The following SAMD5 variants were observed in gnomAD, a reference collection of about 807,000 sequenced individuals.
The protein encoded by SAMD5 is sterile alpha motif domain-containing protein 5.
Under a neutral mutation model 11.3 loss-of-function variants are expected in SAMD5, and 13 were observed. The ratio of observed to expected loss-of-function variants is 1.15; its 90% CI spans 0.75 to 1.83. The LOEUF is 1.83. SAMD5 is among the 40% of genes most tolerant of loss of function. The probability of loss-of-function intolerance (pLI) is 0.00; values close to 1 mark genes in which losing one functional copy is unlikely to be tolerated. For synonymous variants in SAMD5, 129 were observed against 111.3 expected, an observed-to-expected ratio of 1.16 and a Z score of -1.00; for missense variants, 255 against 239.1, an observed-to-expected ratio of 1.07 and a Z score of -0.44.
the SAMD5 span, among the ~76,000 whole-genome samples, chr6:147,921,264 G>C: frequency 4.8e-4 from 58 of 120,234 alleles, no homozygotes; most frequent in African/African-American, 2.1e-3. Flanking sequence ...AAACAAAAGA[G>C]AGAGTATAAA....
At chr6:147,633,097 G>A (rs1203755295) in intron 1 of SAMD5, among the ~76,000 whole-genome samples, 1 of 152,172 alleles carries the variant, frequency 6.6e-6, no homozygotes, top group Non-Finnish European at 1.5e-5. Flanking sequence ...GGCACTTTCA[G>A]TTTTTTGGAT....
At chr6:147,549,251 G>T (rs747144157) in intron 1 of SAMD5, among the ~76,000 whole-genome samples, 2 of 152,174 alleles carry the variant, frequency 1.3e-5, no homozygotes, top group Non-Finnish European at 2.9e-5. Flanking sequence ...TTGCAGCCAC[G>T]GTTGAGCAAA....
At chr6:147,804,071 C>T in the SAMD5 span, among the ~76,000 whole-genome samples, 5 of 151,964 alleles carry the variant, frequency 3.3e-5, no homozygotes, top group Admixed American at 6.6e-5. Context: ...GGCCATGGGC[C>T]CATTCTTGTC....
chr6:147,890,319 A>G, the SAMD5 span, among the ~76,000 whole-genome samples: 1 of 152,090 alleles, frequency 6.6e-6, no homozygotes, highest in Non-Finnish European at 1.5e-5. Context: ...GACCTAATTA[A>G]TCAACAAGAT....
intron 1 of SAMD5, among the ~76,000 whole-genome samples, chr6:147,617,630 G>A (rs1261883925): frequency 6.6e-6 from 1 of 152,220 alleles, no homozygotes. Context: ...GGAAACAAAT[G>A]CTGGGTTACA....
chr6:147,747,349 G>A, the SAMD5 span, among the ~76,000 whole-genome samples: 2 of 152,306 alleles, frequency 1.3e-5, no homozygotes, highest in African/African-American at 4.8e-5. Context: ...GGAGGGGCAG[G>A]ATGTTGTTCA....
chr6:147,525,159 A>G (rs1259569302), intron 1 of SAMD5, among the ~76,000 whole-genome samples: 1 of 151,540 alleles, frequency 6.6e-6, no homozygotes, highest in Non-Finnish European at 1.5e-5. Flanking sequence ...TTTAAAAAAA[A>G]AGAGGAAGAC....
chr6:147,691,855 T>TA (rs1791108368), intron 1 of SAMD5, among the ~76,000 whole-genome samples: 1 of 152,150 alleles, frequency 6.6e-6, no homozygotes, highest in Admixed American at 6.5e-5. Context: ...AAGTACTACA[T>TA]AAATCTTGCT....
chr6:147,590,473 C>T (rs1485267621), intron 1 of SAMD5, among the ~76,000 whole-genome samples: 1 of 152,162 alleles, frequency 6.6e-6, no homozygotes, highest in African/African-American at 2.4e-5. Context: ...AGTGCAGTGG[C>T]ATGATCTCAG....
intron 1 of SAMD5, among the ~76,000 whole-genome samples, chr6:147,586,342 G>A (rs1483491209): frequency 6.6e-6 from 1 of 152,114 alleles, no homozygotes; most frequent in African/African-American, 2.4e-5. Flanking sequence ...TATTTTAAGA[G>A]ACTGGGGAGA....
chr6:147,534,839 C>G (rs756034135), intron 1 of SAMD5, among the ~76,000 whole-genome samples: 1 of 152,084 alleles, frequency 6.6e-6, no homozygotes, highest in Non-Finnish European at 1.5e-5. Flanking sequence ...AATTTTGTGG[C>G]GGATGTTAGT....
chr6:147,638,050 A>G (rs531415323), intron 1 of SAMD5, among the ~76,000 whole-genome samples: 1 of 152,224 alleles, frequency 6.6e-6, no homozygotes, highest in African/African-American at 2.4e-5. Context: ...TCGTAATGGT[A>G]ATGGAGACTA....
chr6:147,810,151 T>G, the SAMD5 span, among the ~76,000 whole-genome samples: 1 of 152,228 alleles, frequency 6.6e-6, no homozygotes, highest in Non-Finnish European at 1.5e-5. Flanking sequence ...AAGATAAGTT[T>G]AATGTAATTA....
At chr6:147,877,881 C>CACACACACACGATA in the SAMD5 span, among the ~76,000 whole-genome samples, 159 of 82,058 alleles carry the variant, frequency 1.9e-3, 1 homozygote, top group African/African-American at 7.3e-3. Flanking sequence ...CACACACACA[C>CACACACACACGATA]GATAGATAGA....
the SAMD5 span, among the ~76,000 whole-genome samples, chr6:147,930,323 C>A: frequency 2.6e-5 from 4 of 152,094 alleles, no homozygotes; most frequent in Non-Finnish European, 5.9e-5. Context: ...TCTTCTGAGT[C>A]CTGAAACTCT....
intron 1 of SAMD5, among the ~76,000 whole-genome samples, chr6:147,718,414 G>C (rs1370075958): frequency 2.0e-5 from 3 of 152,202 alleles, no homozygotes; most frequent in African/African-American, 7.2e-5. Context: ...CTAGAGGGAA[G>C]AAAGTTAGGA....
At chr6:147,806,815 G>A in the SAMD5 span, among the ~76,000 whole-genome samples, 1 of 152,114 alleles carries the variant, frequency 6.6e-6, no homozygotes, top group African/African-American at 2.4e-5. Context: ...GATCATATTT[G>A]AAGATTGTAT....
At chr6:147,590,003 C>T (rs1166680356) in intron 1 of SAMD5, among the ~76,000 whole-genome samples, 5 of 152,126 alleles carry the variant, frequency 3.3e-5, no homozygotes, top group African/African-American at 1.2e-4. Context: ...CTTTATCTCT[C>T]CAAATAGACT....
Position 147,564,668 on chromosome 6 carries a change from G to T in SAMD5, c.*212G>T. ...TAGAAATAAGGCAGTGAACTATCACGCATAAAGAAGTATTGAGTTCATTTT... is the reference window on the plus strand; with the variant it reads ...TAGAAATAAGGCAGTGAACTATCACTCATAAAGAAGTATTGAGTTCATTTT... On this transcript the variant is annotated 3_prime_UTR_variant, in exon 2 of 2. Coordinates refer to ENST00000367474, the MANE Select transcript of SAMD5 (RefSeq NM_001030060.3). 13 of 1,308,490 alleles carry T rather than the reference G, an allele frequency of 9.9e-6. No homozygotes were observed. Among genetic ancestry groups the T allele is most frequent in the Non-Finnish European group, 1.3e-5 (13 of 1,026,470 alleles). The allele number at this position is 1,308,490 out of a possible 1,614,324, so 81.1% of individuals were successfully genotyped here.
Sources: allele counts gnomAD v4.1 joint callset (sites outside exome capture counted in the v4.1 genomes callset), GRCh38; gene constraint gnomAD v4.1.1; transcripts MANE v1.5; gene names NCBI Gene and HGNC (gene_info 2026-07-23, HGNC 2026-07-21).